Variants in LPCAT1 observed in about 807,000 individuals in gnomAD.
The protein encoded by LPCAT1 is lysophosphatidylcholine acyltransferase 1, also known as 1-acylglycerol-3-phosphate O-acyltransferase.
Under a neutral mutation model 60.9 loss-of-function variants are expected in LPCAT1, and 23 were observed. The ratio of observed to expected loss-of-function variants is 0.38; its 90% CI spans 0.27 to 0.53. The LOEUF is 0.53. Ranked by LOEUF, LPCAT1 falls within the 20% of genes least tolerant of loss-of-function variation. The pLI is 0.82. For missense variants in LPCAT1, 622 were observed against 723.6 expected (o/e 0.86, Z 1.61); for synonymous variants, 340 against 301.1 (o/e 1.13, Z -1.34).
intron 1 of LPCAT1, among the ~76,000 whole-genome samples, chr5:1,514,025 C>T (rs992060540): frequency 5.3e-5 from 8 of 152,260 alleles, no homozygotes; most frequent in African/African-American, 1.9e-4. Flanking sequence ...AAAGCTCCCA[C>T]GTGCAGAAAC....
At chr5:1,478,740 G>A (rs1487693300) in intron 8 of LPCAT1, among the ~76,000 whole-genome samples, 1 of 152,292 alleles carries the variant, frequency 6.6e-6, no homozygotes, top group Non-Finnish European at 1.5e-5. Context: ...TTACTGGAAG[G>A]CAGCAAATTG....
intron 11 of LPCAT1, among the ~76,000 whole-genome samples, chr5:1,473,165 A>G (rs1399191961): frequency 6.6e-6 from 1 of 152,164 alleles, no homozygotes; most frequent in Admixed American, 6.5e-5. Flanking sequence ...ACTGCACTGC[A>G]GCTGCTCCGT....
At position 1,521,807 on chromosome 5, in the gene LPCAT1, A is replaced by C. The variant is rs967148751; in HGVS notation, c.135+1903T>G. ...GCCTCTCGATGACCCCCTGCCCAAG[A>C]GCCACTGGGAGCAGCTTGCACCCTG... On this transcript the variant is annotated intron_variant, in intron 1 of 13. Coordinates refer to ENST00000283415, the MANE Select transcript of LPCAT1 (RefSeq NM_024830.5). This position sits in a 1 kb window ranked among gnomAD's most constrained non-coding sequence, Gnocchi z 4.3. 6.6e-5 allele frequency among the ~76,000 whole-genome samples: 10 copies of C among 152,018 alleles called. No homozygotes were observed. Among genetic ancestry groups the C allele is most frequent in the African/African-American group, 2.4e-4 (10 of 41,398 alleles).
rs972618536 is a variant in LPCAT1, at chr5:1,523,457, G to A, written c.135+253C>T. Among the ~76,000 whole-genome samples the A allele has an allele frequency of 1.3e-5, 2 of 151,640 alleles. No homozygotes were observed. The highest frequency in any genetic ancestry group is 2.9e-5 in the Non-Finnish European group (2 of 67,860). ...ACGCGGGGCGGGGATGGGAAGCGGG[G>A]ACCCCGAGGAAGGCGCTGAGGGACC... On this transcript the variant is annotated intron_variant, in intron 1 of 13. Coordinates refer to ENST00000283415, the MANE Select transcript of LPCAT1 (RefSeq NM_024830.5). The surrounding 1 kb of genome is among the most constrained non-coding windows in gnomAD (Gnocchi z 7.1).
intron 12 of LPCAT1, chr5:1,467,227 G>A (rs1734453099): frequency 3.6e-6 from 1 of 279,564 alleles, no homozygotes; most frequent in East Asian, 6.2e-5. Flanking sequence ...CCTGGGCCAC[G>A]GGCGAGCGCG....
intron 3 of LPCAT1, among the ~76,000 whole-genome samples, chr5:1,494,070 G>T (rs953692191): frequency 6.6e-6 from 1 of 152,252 alleles, no homozygotes; most frequent in Non-Finnish European, 1.5e-5. Flanking sequence ...GTCCCCAGAT[G>T]ACGAGAGGGT....
Position 1,483,416 on chromosome 5 carries a change from A to C in LPCAT1, c.726+12T>G, listed in dbSNP as rs747369029. 1.9e-6 allele frequency: 3 copies of C among 1,613,574 alleles called. No homozygotes were observed. The highest frequency in any genetic ancestry group is 1.1e-5 in the South Asian group (1 of 91,092). ...TTCCCCTGGAAGCTGACCCCAAAAA[A>C]ACACAACTCACCAGTTTATTTGGAT... On this transcript the variant is annotated intron_variant, in intron 6 of 13. Transcript: ENST00000283415. This position sits in a 1 kb window ranked among gnomAD's most constrained non-coding sequence, Gnocchi z 9.2.
At chr5:1,488,293 G>C (rs947126045) in intron 5 of LPCAT1, 98 bp downstream of exon 5, 3 of 733,726 alleles carry the variant, frequency 4.1e-6, no homozygotes, top group Non-Finnish European at 6.7e-6. Context: ...GATAAAAACA[G>C]AAACTGTTCT....
chr5:1,503,129 A>G (rs1736076570), intron 1 of LPCAT1, among the ~76,000 whole-genome samples: 1 of 152,036 alleles, frequency 6.6e-6, no homozygotes, highest in Non-Finnish European at 1.5e-5. Flanking sequence ...GCAGATCTAG[A>G]TGATGTTTGG....
At chr5:1,482,373 G>T (rs1735180953) in intron 6 of LPCAT1, among the ~76,000 whole-genome samples, 1 of 136,984 alleles carries the variant, frequency 7.3e-6, no homozygotes, top group Non-Finnish European at 1.5e-5. Context: ...CCACCTTACA[G>T]GTGTGGAAAC....
Position 1,487,036 on chromosome 5 carries a change from C to T in LPCAT1, c.667+1355G>A, listed in dbSNP as rs1233686458. Among the ~76,000 whole-genome samples the T allele has an allele frequency of 1.3e-5, 2 of 152,232 alleles. No homozygotes were observed. Among genetic ancestry groups the T allele is most frequent in the Non-Finnish European group, 1.5e-5 (1 of 68,038 alleles). On this transcript the variant is annotated intron_variant, in intron 5 of 13. Coordinates refer to ENST00000283415, the MANE Select transcript of LPCAT1 (RefSeq NM_024830.5). This position sits in a 1 kb window ranked among gnomAD's most constrained non-coding sequence, Gnocchi z 6.1. Reference sequence around the variant, plus strand: ...CTCACGTCTACACAAGGGCCGCCAGCTCCAAAGGGCAAGGCGATGGCCCTC... The same window carrying T: ...CTCACGTCTACACAAGGGCCGCCAGTTCCAAAGGGCAAGGCGATGGCCCTC...
Position 1,488,465 on chromosome 5 carries a change from A to G in LPCAT1, c.607-14T>C. 1 of 1,563,430 alleles carries G rather than the reference A, an allele frequency of 6.4e-7. No homozygotes were observed. Among genetic ancestry groups the G allele is most frequent in the African/African-American group, 1.4e-5 (1 of 73,288 alleles). On this transcript the variant is annotated splice_polypyrimidine_tract_variant and intron_variant, in intron 4 of 13. Transcript: ENST00000283415. ...AAAAATCATTATCTGGAAGTGGGAG[A>G]AAGAAAAGGATCAGCATTAAACTGT...
intron 12 of LPCAT1, chr5:1,467,470 C>G (rs1444347603): frequency 6.6e-6 from 1 of 152,430 alleles, no homozygotes; most frequent in African/African-American, 2.4e-5. Context: ...GACGCCTCCT[C>G]TCTTCCTCCT....
chr5:1,499,189 T>A (rs1479102336), intron 2 of LPCAT1, among the ~76,000 whole-genome samples: 3 of 152,196 alleles, frequency 2.0e-5, no homozygotes, highest in Non-Finnish European at 4.4e-5. Context: ...GCCACCAGGG[T>A]TAGCATGGGG....
At chr5:1,518,113 G>A (rs553819213) in intron 1 of LPCAT1, among the ~76,000 whole-genome samples, 4 of 152,330 alleles carry the variant, frequency 2.6e-5, no homozygotes, top group East Asian at 1.9e-4. Context: ...GGCCTCTCTC[G>A]AGCCCACCCA....
chr5:1,494,985 G>T, intron 2 of LPCAT1, 71 bp from the exon 3 acceptor site: 1 of 1,398,734 alleles, frequency 7.1e-7, no homozygotes, highest in Non-Finnish European at 9.8e-7. Flanking sequence ...GCACAGGGGC[G>T]GTCCCACGGG....
chr5:1,465,453 CA>C (rs1734338644), intron 13 of LPCAT1, among the ~76,000 whole-genome samples: 1 of 140,504 alleles, frequency 7.1e-6, no homozygotes. Context: ...CAGGTACACA[CA>C]GTAACTAAAC....
Position 1,480,429 on chromosome 5 carries a change from C to A in LPCAT1, c.761+513G>T, listed in dbSNP as rs1735091996. On this transcript the variant is annotated intron_variant, in intron 7 of 13. Transcript: ENST00000283415. This position sits in a 1 kb window ranked among gnomAD's most constrained non-coding sequence, Gnocchi z 6.4. The stretch of plus-strand genomic sequence containing the variant: ...GCTCAGACGTCAGCACCCAGGAGGC[C>A]CTGACCAGCCTGTGGCCCCGGGCTT... The A allele has an allele frequency of 2.1e-6, 2 of 949,038 alleles. No individual in the cohort carries two copies. The highest frequency in any genetic ancestry group is 1.3e-6 in the Non-Finnish European group (1 of 796,754). The allele number at this position is 949,038 out of a possible 1,614,324, so 58.8% of individuals were successfully genotyped here. A position where few individuals can be genotyped will look rare whatever the true frequency, so the allele number is the denominator to read the frequency against.
intron 3 of LPCAT1, among the ~76,000 whole-genome samples, chr5:1,493,400 C>A (rs1356126776): frequency 1.3e-5 from 2 of 152,382 alleles, no homozygotes; most frequent in African/African-American, 4.8e-5. Flanking sequence ...AGAATGTGTC[C>A]CCACCCAGTC....
Sources: allele counts gnomAD v4.1 joint callset (sites outside exome capture counted in the v4.1 genomes callset), GRCh38; gene constraint gnomAD v4.1.1; non-coding constraint Gnocchi (gnomAD v3.1); transcripts MANE v1.5; gene names NCBI Gene and HGNC (gene_info 2026-07-23, HGNC 2026-07-21).